The following PLD5 variants were observed in gnomAD, a reference collection of about 807,000 sequenced individuals.
PLD5 encodes inactive phospholipase D5.
In PLD5, 36 loss-of-function variants were observed where a neutral mutation model predicts 61.1. The ratio of observed to expected loss-of-function variants is 0.59; its 90% CI spans 0.45 to 0.78. The LOEUF (loss-of-function observed/expected upper bound fraction) is 0.78, where lower values mean the gene tolerates loss of function less well. Among genes scored for constraint, PLD5 ranks in the 30% least tolerant of loss-of-function variants. PLD5 has a pLI of 0.00. For missense variants in PLD5, 515 were observed against 644.4 expected (o/e 0.80, Z 2.17); for synonymous variants, 243 against 242.8 (o/e 1.00, Z -0.01).
chr1:242,472,090 C>G (rs1667464121), intron 1 of PLD5, among the ~76,000 whole-genome samples: 1 of 152,142 alleles, frequency 6.6e-6, no homozygotes, highest in Non-Finnish European at 1.5e-5. Context: ...GAACTTAAAA[C>G]TGTGGAAAAA....
Position 242,084,624 on chromosome 1 carries a change from T to G in PLD5, c.*5230A>C, listed in dbSNP as rs1179422235. 1 of 152,106 alleles carries G rather than the reference T, an allele frequency of 6.6e-6. No individual in the cohort carries two copies. Among genetic ancestry groups the G allele is most frequent in the Non-Finnish European group, 1.5e-5 (1 of 68,014 alleles). The allele number at this position is 152,106 out of a possible 1,614,324, so 9.4% of individuals were successfully genotyped here. A position where few individuals can be genotyped will look rare whatever the true frequency, so the allele number is the denominator to read the frequency against. On this transcript the variant is annotated 3_prime_UTR_variant, in exon 10 of 10. Transcript: ENST00000536534. ...TGGGTGAGCTGGTTGAGATGGCTGTTAAAGTATGCTCTACAGCTCAATATG... is the reference window on the plus strand; with the variant it reads ...TGGGTGAGCTGGTTGAGATGGCTGTGAAAGTATGCTCTACAGCTCAATATG...
At chr1:242,479,028 G>A (rs1572215762) in intron 1 of PLD5, among the ~76,000 whole-genome samples, 1 of 152,190 alleles carries the variant, frequency 6.6e-6, no homozygotes. Flanking sequence ...TACAAAGTAG[G>A]ATTTGGTGGA....
intron 1 of PLD5, among the ~76,000 whole-genome samples, chr1:242,475,053 A>G (rs891235229): frequency 2.0e-5 from 3 of 152,248 alleles, no homozygotes; most frequent in Non-Finnish European, 4.4e-5. Flanking sequence ...GTCAAGAAAT[A>G]AATGCTGCAT....
intron 1 of PLD5, among the ~76,000 whole-genome samples, chr1:242,480,732 A>T (rs1251253549): frequency 1.3e-5 from 2 of 152,206 alleles, no homozygotes; most frequent in Non-Finnish European, 1.5e-5. Context: ...AATGATCAAT[A>T]ACCATATAAA....
chr1:242,479,995 A>G (rs112716904), intron 1 of PLD5, among the ~76,000 whole-genome samples: 6,506 of 151,886 alleles, frequency 0.043, 223 homozygotes, highest in Middle Eastern at 0.061. Context: ...AGATTGCAGT[A>G]AGTCGAGATC....
intron 1 of PLD5, among the ~76,000 whole-genome samples, chr1:242,475,147 C>A (rs1248939226): frequency 2.0e-5 from 3 of 152,188 alleles, no homozygotes; most frequent in Non-Finnish European, 2.9e-5. Context: ...CATCTTTAAG[C>A]CCAAGTAACA....
chr1:242,440,612 C>T (rs560889690), intron 1 of PLD5, among the ~76,000 whole-genome samples: 22 of 152,320 alleles, frequency 1.4e-4, no homozygotes, highest in African/African-American at 4.6e-4. Context: ...TGTCCTTGCC[C>T]TGCAAAGGGC....
chr1:242,109,426 C>T (rs1297066997), intron 7 of PLD5, among the ~76,000 whole-genome samples: 2 of 151,960 alleles, frequency 1.3e-5, no homozygotes, highest in Admixed American at 6.6e-5. Context: ...TGCAGTGAGC[C>T]AAGATTGTGC....
chr1:242,106,467 T>C (rs1343816569), intron 8 of PLD5, among the ~76,000 whole-genome samples: 1 of 152,194 alleles, frequency 6.6e-6, no homozygotes, highest in Admixed American at 6.5e-5. Flanking sequence ...TTCACAAACC[T>C]GTTCCTTTGT....
At chr1:242,097,645 A>G (rs1273232747) in intron 9 of PLD5, among the ~76,000 whole-genome samples, 3 of 152,188 alleles carry the variant, frequency 2.0e-5, no homozygotes, top group Admixed American at 1.3e-4. Context: ...TCTGGATATT[A>G]GCCCTTTGTC....
At chr1:242,398,970 G>C (rs1221547451) in intron 1 of PLD5, among the ~76,000 whole-genome samples, 2 of 152,046 alleles carry the variant, frequency 1.3e-5, no homozygotes, top group Non-Finnish European at 2.9e-5. Context: ...TCTCTAACAG[G>C]GATCAATCCA....
In PLD5 at chr1:242,238,406, G is replaced by A. The variant is rs559113046; in HGVS notation, c.608-18291C>T. 8.5e-5 allele frequency among the ~76,000 whole-genome samples: 13 copies of A among 152,300 alleles called. No individual in the cohort carries two copies. In the South Asian group the frequency reaches 2.7e-3, roughly 32 times the overall value. ...AGCTGCCCTATTGTTGGCTGCAGGA[G>A]CATCTTGCAGATAGACTGGGGGCTG... is the stretch of plus-strand genomic sequence containing the variant. On this transcript the variant is annotated intron_variant, in intron 4 of 9. Transcript: ENST00000536534.
intron 5 of PLD5, among the ~76,000 whole-genome samples, chr1:242,155,800 G>A (rs1193638925): frequency 6.6e-6 from 1 of 152,210 alleles, no homozygotes; most frequent in Non-Finnish European, 1.5e-5. Flanking sequence ...TAAGTGCGAT[G>A]AGGTGCTGAG....
At chr1:242,272,956 C>T (rs569247799) in intron 3 of PLD5, among the ~76,000 whole-genome samples, 39 of 151,870 alleles carry the variant, frequency 2.6e-4, no homozygotes, top group African/African-American at 6.0e-4. Flanking sequence ...ATGTGCAGAA[C>T]GTGCAGGTTT....
At chr1:242,407,861 G>A (rs1253307594) in intron 1 of PLD5, among the ~76,000 whole-genome samples, 1 of 152,128 alleles carries the variant, frequency 6.6e-6, no homozygotes, top group African/African-American at 2.4e-5. Context: ...ACAGGTGTGA[G>A]CCACTGAGCC....
intron 5 of PLD5, among the ~76,000 whole-genome samples, chr1:242,205,113 A>G (rs1669242662): frequency 6.6e-6 from 1 of 152,234 alleles, no homozygotes; most frequent in African/African-American, 2.4e-5. Flanking sequence ...AGCAAGTCTC[A>G]GACTATCATG....
intron 1 of PLD5, among the ~76,000 whole-genome samples, chr1:242,473,569 G>A (rs2102952242): frequency 6.6e-6 from 1 of 152,258 alleles, no homozygotes; most frequent in African/African-American, 2.4e-5. Flanking sequence ...ATGGCATGAG[G>A]CCTATTGAAA....
chr1:242,198,460 T>TA (rs397827512), intron 5 of PLD5, among the ~76,000 whole-genome samples: 2 of 151,822 alleles, frequency 1.3e-5, no homozygotes, highest in Non-Finnish European at 2.9e-5. Flanking sequence ...TGTTTTTTTT[T>TA]ATTTGCTATA....
chr1:242,194,064 G>A (rs1668447751), intron 5 of PLD5, among the ~76,000 whole-genome samples: 1 of 152,156 alleles, frequency 6.6e-6, no homozygotes, highest in Non-Finnish European at 1.5e-5. Context: ...TGGCCTTGGA[G>A]GTATAAGGCC....
Sources: gnomAD v4.1 joint callset for allele counts (sites outside exome capture counted in the v4.1 genomes callset) on GRCh38, gnomAD v4.1.1 for gene constraint, MANE v1.5 for transcripts, NCBI Gene and HGNC (gene_info 2026-07-23, HGNC 2026-07-21) for gene names.